ADD3: variants seen among roughly 807,000 people sequenced by gnomAD.
ADD3 encodes the protein adducin 3, also known as gamma-adducin.
A neutral mutation model predicts 80.2 loss-of-function variants in ADD3; 25 were observed. That is an observed-to-expected ratio of 0.31 (90% confidence interval 0.23 to 0.44). The LOEUF is 0.44. Ranked by LOEUF, ADD3 falls within the 20% of genes least tolerant of loss-of-function variation. The pLI, the probability that ADD3 is intolerant of heterozygous loss-of-function variation, is 1.00. For missense variants in ADD3, 829 were observed against 847.5 expected, an observed-to-expected ratio of 0.98 and a Z score of 0.27; for synonymous variants, 284 against 289.6, an observed-to-expected ratio of 0.98 and a Z score of 0.20.
intron 1 of ADD3, among the ~76,000 whole-genome samples, chr10:110,028,100 G>A (rs72828265): frequency 0.022 from 3,320 of 152,184 alleles, 44 homozygotes; most frequent in Middle Eastern, 0.031. Flanking sequence ...TTGCTATGAG[G>A]GTTATATGAG....
upstream of ADD3, among the ~76,000 whole-genome samples, chr10:110,003,107 A>G (rs1421810983): frequency 6.6e-6 from 1 of 151,760 alleles, no homozygotes; most frequent in Non-Finnish European, 1.5e-5. Flanking sequence ...AACATTATGT[A>G]GTTTGAAAAG....
rs755298352 is a variant in ADD3, at chr10:110,119,527, A to G, written c.923A>G (p.His308Arg). The G allele has an allele frequency of 1.2e-6, 2 of 1,613,992 alleles. No individual in the cohort carries two copies. Among genetic ancestry groups the G allele is most frequent in the African/African-American group, 1.3e-5 (1 of 74,916 alleles). ...GGAGAAACATTAGAGGAGGCTTTTC[A>G]TTATATTTTTAATGTGCAACTAGCC... ...ALGETLEEAF[H>R]YIFNVQLACE... The change falls in exon 8 of 15, where the codon CAT becomes CGT. Residue 308 changes from histidine (H) to arginine (R), a missense_variant. By Grantham distance (29) the His-to-Arg change is conservative. Coordinates refer to ENST00000356080, the MANE Select transcript of ADD3 (RefSeq NM_016824.5).
chr10:110,118,028 ACACACACACAC>A (rs1850987280), intron 5 of ADD3, among the ~76,000 whole-genome samples: 1 of 72,068 alleles, frequency 1.4e-5, no homozygotes, highest in South Asian at 7.9e-4. Flanking sequence ...ATACACACAC[ACACACACACAC>A]ACACACACAC....
At chr10:110,092,695 C>A (rs1195054492) in intron 1 of ADD3, among the ~76,000 whole-genome samples, 1 of 152,060 alleles carries the variant, frequency 6.6e-6, no homozygotes, top group African/African-American at 2.4e-5. Context: ...TGTAACAGAC[C>A]TGCACATGTA....
intron 3 of ADD3, among the ~76,000 whole-genome samples, chr10:110,113,944 A>G (rs1237619277): frequency 6.6e-6 from 1 of 152,254 alleles, no homozygotes; most frequent in African/African-American, 2.4e-5. Flanking sequence ...CATTGATTAA[A>G]TAATCATACA....
chr10:110,052,940 A>T (rs1347888963), intron 1 of ADD3, among the ~76,000 whole-genome samples: 1 of 152,206 alleles, frequency 6.6e-6, no homozygotes, highest in Non-Finnish European at 1.5e-5. Flanking sequence ...TTCTATGAAG[A>T]TATAAATAAT....
At chr10:110,073,432 G>A (rs369299785) in intron 1 of ADD3, among the ~76,000 whole-genome samples, 2 of 152,068 alleles carry the variant, frequency 1.3e-5, no homozygotes, top group African/African-American at 2.4e-5. Flanking sequence ...GTGAGCCACC[G>A]TGCCCGGCCC....
At chr10:110,067,976 G>A (rs767319356) in intron 1 of ADD3, among the ~76,000 whole-genome samples, 5 of 151,650 alleles carry the variant, frequency 3.3e-5, no homozygotes, top group Non-Finnish European at 5.9e-5. Context: ...TCTCTATACT[G>A]GAAAAACACC....
chr10:110,110,392 T>C (rs1849866246), intron 2 of ADD3, among the ~76,000 whole-genome samples: 1 of 152,144 alleles, frequency 6.6e-6, no homozygotes, highest in Non-Finnish European at 1.5e-5. Context: ...TGCCCCATGG[T>C]AGAATGTTGA....
chr10:110,069,545 G>GT (rs912626560), intron 1 of ADD3, among the ~76,000 whole-genome samples: 50 of 148,672 alleles, frequency 3.4e-4, no homozygotes, highest in South Asian at 1.7e-3. Context: ...TATTAGTTGT[G>GT]TTTTTTTTTT....
intron 8 of ADD3, chr10:110,121,770 T>C (rs974720579): frequency 1.2e-5 from 2 of 170,690 alleles, no homozygotes; most frequent in Non-Finnish European, 2.5e-5. Flanking sequence ...AAATTATAGC[T>C]TTTAGCAAAA....
chr10:110,076,735 C>G (rs1310808165), intron 1 of ADD3, among the ~76,000 whole-genome samples: 1 of 152,214 alleles, frequency 6.6e-6, no homozygotes, highest in Non-Finnish European at 1.5e-5. Context: ...CTACTTCCAT[C>G]TAACATTCTG....
upstream of ADD3, among the ~76,000 whole-genome samples, chr10:110,005,363 T>C (rs1175330483): frequency 1.3e-5 from 2 of 152,326 alleles, no homozygotes; most frequent in East Asian, 1.9e-4. Flanking sequence ...CCCGGCAATA[T>C]TGTGATTTTT....
intron 1 of ADD3, among the ~76,000 whole-genome samples, chr10:110,036,375 CTTTTTT>C (rs551028000): frequency 4.3e-5 from 5 of 116,796 alleles, no homozygotes; most frequent in African/African-American, 1.4e-4. Context: ...TAGAAAGTGT[CTTTTTT>C]TTTTTTTTTT....
In ADD3 at chr10:110,130,390, G is replaced by A; in HGVS notation, c.1636G>A (p.Gly546Ser). ...TATGCAATTTGAAGATGATGATCAT[G>A]GCCCACCAGCTCCTCCTAACCCATT... ...STMQFEDDDH[G>S]PPAPPNPFSH... The change falls in exon 13 of 15, where the codon GGC (glycine) becomes AGC (serine). Residue 546 changes from glycine (G) to serine (S), a missense_variant. Transcript: ENST00000356080. The A allele has an allele frequency of 6.2e-7, 1 of 1,613,818 alleles. No homozygotes were observed.
chr10:110,002,281 CT>C (rs796225903), upstream of ADD3, among the ~76,000 whole-genome samples: 13 of 148,450 alleles, frequency 8.8e-5, no homozygotes, highest in South Asian at 4.3e-4. Context: ...ACTAGTGAGT[CT>C]TTTTTTTTTG....
chr10:110,010,375 T>C (rs987545132), intron 1 of ADD3, among the ~76,000 whole-genome samples: 5 of 152,030 alleles, frequency 3.3e-5, no homozygotes, highest in Admixed American at 2.6e-4. Flanking sequence ...GTATAAGAAG[T>C]GTTTGAGGGA....
At chr10:110,084,513 G>C (rs1846456615) in intron 1 of ADD3, among the ~76,000 whole-genome samples, 1 of 152,186 alleles carries the variant, frequency 6.6e-6, no homozygotes, top group Non-Finnish European at 1.5e-5. Flanking sequence ...ATGGTCTACA[G>C]TCTTATGTAT....
At position 110,132,404 on chromosome 10, in the gene ADD3, C is replaced by T. The variant is rs776710962; in HGVS notation, c.1828+4C>T. 2.4e-5 allele frequency: 38 copies of T among 1,595,970 alleles called. No individual in the cohort carries two copies. The Admixed American group carries it at 6.3e-4, about 27-fold the overall frequency. On this transcript the variant is annotated splice_donor_region_variant and intron_variant, in intron 14 of 14. Coordinates refer to ENST00000356080, the MANE Select transcript of ADD3 (RefSeq NM_016824.5). ...AATGTCCCTGAAAAATTAGAAGGTA[C>T]TCAATGTAATTTCCCACATAGCATT...
Sources: gnomAD v4.1 joint callset for allele counts (sites outside exome capture counted in the v4.1 genomes callset) on GRCh38, gnomAD v4.1.1 for gene constraint, MANE v1.5 for transcripts, NCBI Gene and HGNC (gene_info 2026-07-23, HGNC 2026-07-21) for gene names.